The following DOCK9 variants were observed in gnomAD, a reference collection of about 807,000 sequenced individuals.
DOCK9 encodes dedicator of cytokinesis protein 9.
In DOCK9, 89 loss-of-function variants were observed where a neutral mutation model predicts 263.3. That is an observed-to-expected ratio of 0.34 (90% CI 0.28 to 0.40). The LOEUF (loss-of-function observed/expected upper bound fraction) is 0.40. Ranked by LOEUF, DOCK9 falls within the 10% of genes least tolerant of loss-of-function variation. The probability of loss-of-function intolerance (pLI) is 1.00; values close to 1 mark genes in which losing one functional copy is unlikely to be tolerated. For missense variants in DOCK9, 2,140 were observed against 2,603.4 expected (o/e 0.82, Z 3.87); for synonymous variants, 976 against 973.1 (o/e 1.00, Z -0.06).
At chr13:99,050,749 A>G (rs1188467658) in intron 1 of DOCK9, among the ~76,000 whole-genome samples, 2 of 152,138 alleles carry the variant, frequency 1.3e-5, no homozygotes, top group Non-Finnish European at 2.9e-5. Context: ...GACACTAATG[A>G]CAAGTCCCAC....
At chr13:98,879,756 G>T in intron 27 of DOCK9, 142 bp downstream of exon 27, 1 of 604,344 alleles carries the variant, frequency 1.7e-6, no homozygotes, top group Non-Finnish European at 2.7e-6. Flanking sequence ...TTGTTATGAA[G>T]CTAAAATGAT....
rs11392986 is a variant in DOCK9, at chr13:99,051,855, CAAAAAAAA to C, written c.129+34360_129+34367del. 1.0e-3 allele frequency among the ~76,000 whole-genome samples: 111 copies of C among 106,050 alleles called. 4 individuals are homozygous for C. The highest frequency in any genetic ancestry group is 3.5e-3 in the Admixed American group (38 of 10,846). 69.6% of individuals were successfully genotyped at this position (106,050 alleles called of 152,430 possible). On this transcript the variant is annotated intron_variant, in intron 1 of 32. Coordinates refer to the DOCK9 transcript ENST00000427887. The stretch of plus-strand genomic sequence containing the variant: ...GCTAAAGAACATGTTCCACTAGTGG[CAAAAAAAA>C]AAAAAAAAAAAAAATCAGAACTCAC...
chr13:98,814,892 C>T (rs57685573), intron 45 of DOCK9, among the ~76,000 whole-genome samples: 5,867 of 151,438 alleles, frequency 0.039, 375 homozygotes, highest in African/African-American at 0.13. Flanking sequence ...GAACTGAAAT[C>T]GCACCACTGC....
intron 5 of DOCK9, among the ~76,000 whole-genome samples, chr13:98,922,739 G>A (rs1803457529): frequency 6.6e-6 from 1 of 152,150 alleles, no homozygotes; most frequent in African/African-American, 2.4e-5. Flanking sequence ...ACTCACAATG[G>A]GACACTTAAC....
At chr13:98,973,205 G>A (rs1030006742) in intron 1 of DOCK9, among the ~76,000 whole-genome samples, 5 of 152,152 alleles carry the variant, frequency 3.3e-5, no homozygotes, top group African/African-American at 1.2e-4. Context: ...GGGCAGAAAG[G>A]CTATTGTCTA....
At chr13:98,913,149 A>T (rs1163560860) in intron 9 of DOCK9, among the ~76,000 whole-genome samples, 2 of 152,234 alleles carry the variant, frequency 1.3e-5, no homozygotes, top group African/African-American at 4.8e-5. Context: ...TACACTTGAG[A>T]ACAGCCATGT....
intron 1 of DOCK9, among the ~76,000 whole-genome samples, chr13:98,990,213 G>GA (rs929817151): frequency 3.9e-5 from 6 of 152,072 alleles, no homozygotes; most frequent in African/African-American, 1.4e-4. Flanking sequence ...ACCATAAGAG[G>GA]AAAAAAATGC....
At chr13:98,846,154 G>A (rs898572175) in intron 37 of DOCK9, 94 bp from the exon 38 acceptor site, 5 of 1,410,738 alleles carry the variant, frequency 3.5e-6, no homozygotes, top group Non-Finnish European at 4.8e-6. Context: ...CATGGCACGA[G>A]GGAGATGGCC....
chr13:98,868,588 A>G (rs530742320), intron 27 of DOCK9, among the ~76,000 whole-genome samples: 1 of 152,280 alleles, frequency 6.6e-6, no homozygotes, highest in Admixed American at 6.5e-5. Context: ...ACATAGCAAG[A>G]TTCCATCTGT....
chr13:99,011,805 G>T (rs1006651078), intron 1 of DOCK9, among the ~76,000 whole-genome samples: 1 of 152,162 alleles, frequency 6.6e-6, no homozygotes, highest in Non-Finnish European at 1.5e-5. Flanking sequence ...GCTGTCTCCA[G>T]TATCAGCATT....
At position 98,805,023 on chromosome 13, in the gene DOCK9, A is replaced by G. The variant is rs2090533327; in HGVS notation, c.5701T>C (p.Cys1901Arg). The G allele has an allele frequency of 6.2e-7, 1 of 1,608,584 alleles. No individual in the cohort carries two copies. The change falls in exon 49 of 53, where the codon TGC becomes CGC. Residue 1901 changes from cysteine (C) to arginine (R), a missense_variant. Transcript: ENST00000682017. ...CCTGTCAGGATGGTGCGCCGTTTGC[A>G]CTGCTCTTCCACCCCGCCCTGCCTC... The part of the protein sequence containing the change: ...GKRQGGVEEQ[C>R]KRRTILTAIH...
chr13:98,901,895 T>C lies in DOCK9; in HGVS notation c.1386A>G (p.Ile462Met), dbSNP rs199698494. 722 of 1,611,822 alleles carry C rather than the reference T, an allele frequency of 4.5e-4. 3 individuals carry two copies. The highest frequency in any genetic ancestry group is 2.8e-3 in the South Asian group (250 of 90,318). The change falls in exon 13 of 53, where the codon ATA becomes ATG. Residue 462 changes from isoleucine to methionine, a missense_variant. By Grantham distance (10) the Ile-to-Met change is conservative. Transcript: ENST00000682017. ...EAAMQYPKQGIFSVTCPHPDI... is the reference protein window; with the variant it reads ...EAAMQYPKQGMFSVTCPHPDI... ...CTGGATGAGGACAAGTGACTGAAAATATTCCCTAGGAGGCAAACAATTTTC... is the reference window on the plus strand; with the variant it reads ...CTGGATGAGGACAAGTGACTGAAAACATTCCCTAGGAGGCAAACAATTTTC...
intron 15 of DOCK9, among the ~76,000 whole-genome samples, chr13:98,889,941 T>G (rs2046371893): frequency 1.3e-5 from 2 of 152,222 alleles, no homozygotes; most frequent in Admixed American, 1.3e-4. Context: ...CATACCATCC[T>G]AGTGACTCAC....
At chr13:98,933,714 A>G (rs1250707802) in intron 2 of DOCK9, among the ~76,000 whole-genome samples, 1 of 152,250 alleles carries the variant, frequency 6.6e-6, no homozygotes, top group East Asian at 1.9e-4. Flanking sequence ...TCTTTCAGAT[A>G]ATCTCCAAAG....
chr13:98,942,383 C>A (rs1229933141), intron 2 of DOCK9, among the ~76,000 whole-genome samples: 1 of 151,888 alleles, frequency 6.6e-6, no homozygotes, highest in Admixed American at 6.6e-5. Context: ...GGACTACAGG[C>A]ACCCGCCACC....
chr13:99,014,121 C>T (rs1361494905), intron 1 of DOCK9, among the ~76,000 whole-genome samples: 1 of 152,190 alleles, frequency 6.6e-6, no homozygotes, highest in Non-Finnish European at 1.5e-5. Flanking sequence ...AAAAGAAAAA[C>T]AAGCAGAATC....
upstream of DOCK9, among the ~76,000 whole-genome samples, chr13:99,086,833 G>A (rs914668214): frequency 6.6e-6 from 1 of 150,564 alleles, no homozygotes; most frequent in African/African-American, 2.4e-5. Context: ...GTGCCGCGCG[G>A]GACCCTCACT....
chr13:98,813,407 T>A (rs1412997746), intron 45 of DOCK9, among the ~76,000 whole-genome samples: 3 of 152,098 alleles, frequency 2.0e-5, no homozygotes, highest in Non-Finnish European at 4.4e-5. Context: ...ATTTCTCATT[T>A]TTTTAAAAAA....
intron 14 of DOCK9, among the ~76,000 whole-genome samples, 192 bp downstream of exon 14, chr13:98,897,987 T>C (rs1168034774): frequency 6.6e-6 from 1 of 152,198 alleles, no homozygotes; most frequent in African/African-American, 2.4e-5. Context: ...CAGTTCCAGG[T>C]AGCACTTCTC....
Sources: allele counts gnomAD v4.1 joint callset (sites outside exome capture counted in the v4.1 genomes callset), GRCh38; gene constraint gnomAD v4.1.1; transcripts MANE v1.5; gene names NCBI Gene and HGNC (gene_info 2026-07-23, HGNC 2026-07-21).